The following MPPED2 variants were observed in gnomAD, a reference collection of about 807,000 sequenced individuals.
The protein encoded by MPPED2 is metallophosphoesterase MPPED2.
A neutral mutation model predicts 33.0 loss-of-function variants in MPPED2; 5 were observed. That is an observed-to-expected ratio of 0.15 (90% CI 0.08 to 0.32). The LOEUF (loss-of-function observed/expected upper bound fraction) is 0.32, where lower values mean the gene tolerates loss of function less well. Among genes scored for constraint, MPPED2 ranks in the 10% least tolerant of loss-of-function variants. The pLI is 1.00. For synonymous variants in MPPED2, 136 were observed against 141.9 expected (o/e 0.96, Z 0.29); for missense variants, 275 against 372.1 (o/e 0.74, Z 2.15).
At chr11:30,505,625 C>T (rs888595168) in intron 3 of MPPED2, among the ~76,000 whole-genome samples, 1 of 152,218 alleles carries the variant, frequency 6.6e-6, no homozygotes, top group African/African-American at 2.4e-5. Context: ...AACAATCAGA[C>T]TAGCTTCTAA....
chr11:30,483,251 A>G (rs935784012), intron 4 of MPPED2, among the ~76,000 whole-genome samples: 3 of 152,228 alleles, frequency 2.0e-5, no homozygotes, highest in Non-Finnish European at 2.9e-5. Flanking sequence ...AAATGGCTGA[A>G]TGTGGATAAG....
intron 4 of MPPED2, among the ~76,000 whole-genome samples, chr11:30,450,249 C>A (rs1165982874): frequency 6.6e-6 from 1 of 152,186 alleles, no homozygotes; most frequent in African/African-American, 2.4e-5. Flanking sequence ...CCTGAAGATG[C>A]AGTGGTTAAT....
chr11:30,411,591 G>T lies in MPPED2; in HGVS notation c.767-5C>A. The stretch of plus-strand genomic sequence containing the variant: ...CGTCGGTCATGATGCCATAACCTGT[G>T]GGGAGAGCGTGTCACATTTACTGTA... On this transcript the variant is annotated splice_region_variant and splice_polypyrimidine_tract_variant and intron_variant, in intron 6 of 6. Transcript: ENST00000358117. The T allele has an allele frequency of 6.2e-7, 1 of 1,609,574 alleles. No homozygotes were observed. The highest frequency in any genetic ancestry group is 8.5e-7 in the Non-Finnish European group (1 of 1,176,840).
intron 4 of MPPED2, among the ~76,000 whole-genome samples, chr11:30,480,395 C>A (rs1951427541): frequency 6.6e-6 from 1 of 151,934 alleles, no homozygotes; most frequent in Non-Finnish European, 1.5e-5. Flanking sequence ...CTTCCAATTT[C>A]ATGTTAAAAT....
chr11:30,465,565 G>A (rs1282037249), intron 4 of MPPED2, among the ~76,000 whole-genome samples: 1 of 152,172 alleles, frequency 6.6e-6, no homozygotes, highest in Non-Finnish European at 1.5e-5. Flanking sequence ...CAAAGTGCTG[G>A]GACTACAGGT....
rs986753391 is a variant in MPPED2, at chr11:30,426,393, T to C, written c.537-8760A>G. 2.6e-5 allele frequency among the ~76,000 whole-genome samples: 4 copies of C among 152,242 alleles called. 1 individual carries two copies. Among genetic ancestry groups the C allele is most frequent in the African/African-American group, 9.6e-5 (4 of 41,456 alleles). ...ATTGTGTGGGTATGCAGAATTCATT[T>C]TTTTTATCTAAGAAGGTTTCTGAAT... is the stretch of plus-strand genomic sequence containing the variant. On this transcript the variant is annotated intron_variant, in intron 4 of 6. Coordinates refer to ENST00000358117, the MANE Select transcript of MPPED2 (RefSeq NM_001584.3).
intron 4 of MPPED2, 29 bp downstream of exon 4, chr11:30,495,267 T>C (rs114570385): frequency 3.4e-6 from 5 of 1,492,200 alleles, no homozygotes; most frequent in African/African-American, 2.8e-5. Flanking sequence ...TAAAAAGCAA[T>C]GTGGAAAACT....
At chr11:30,507,836 C>T (rs1011833256) in intron 3 of MPPED2, among the ~76,000 whole-genome samples, 1 of 152,184 alleles carries the variant, frequency 6.6e-6, no homozygotes, top group African/African-American at 2.4e-5. Flanking sequence ...TCCCACAAGC[C>T]TCCCGCTGGT....
intron 4 of MPPED2, among the ~76,000 whole-genome samples, chr11:30,475,849 G>A (rs1353661918): frequency 6.6e-6 from 1 of 151,982 alleles, no homozygotes; most frequent in African/African-American, 2.4e-5. Context: ...CAAAGAGGGT[G>A]TTCCATTTTA....
At position 30,468,256 on chromosome 11, in the gene MPPED2, A is replaced by ACTCTCT. The variant is rs3837402; in HGVS notation, c.536+27034_536+27039dup. Among the ~76,000 whole-genome samples the ACTCTCT allele has an allele frequency of 1.1e-4, 16 of 142,936 alleles. No individual in the cohort carries two copies. In the East Asian group the frequency reaches 1.2e-3, roughly 11 times the overall value. 93.8% of individuals were successfully genotyped at this position (142,936 alleles called of 152,430 possible). A position where few individuals can be genotyped will look rare whatever the true frequency, so the allele number is the denominator to read the frequency against. ...CACACACACACACACACACACACAC[A>ACTCTCT]CTCTCTCTCTCTCTCTCTCTCTCTT... On this transcript the variant is annotated intron_variant, in intron 4 of 6. Transcript: ENST00000358117.
chr11:30,464,332 A>T (rs927394023), intron 4 of MPPED2, among the ~76,000 whole-genome samples: 5 of 151,772 alleles, frequency 3.3e-5, no homozygotes, highest in African/African-American at 9.7e-5. Context: ...TTTCAATTTT[A>T]AAAAATTTAA....
intron 4 of MPPED2, among the ~76,000 whole-genome samples, chr11:30,445,658 T>C (rs925157775): frequency 2.6e-5 from 4 of 152,192 alleles, no homozygotes; most frequent in African/African-American, 7.2e-5. Context: ...TTTCCATCTT[T>C]ATGAATTTGA....
chr11:30,424,028 C>T (rs1480104125), intron 4 of MPPED2, among the ~76,000 whole-genome samples: 1 of 152,146 alleles, frequency 6.6e-6, no homozygotes, highest in African/African-American at 2.4e-5. Context: ...TTTCAGAAAG[C>T]CATTCGCTCA....
At chr11:30,396,002 G>A (rs986895151) in intron 6 of MPPED2, among the ~76,000 whole-genome samples, 5 of 152,012 alleles carry the variant, frequency 3.3e-5, no homozygotes, top group Non-Finnish European at 5.9e-5. Flanking sequence ...ATTCCCTAAC[G>A]GGCTTGAGGA....
At chr11:30,571,495 A>T (rs1401582631) in intron 2 of MPPED2, among the ~76,000 whole-genome samples, 2 of 151,394 alleles carry the variant, frequency 1.3e-5, no homozygotes, top group African/African-American at 4.9e-5. Flanking sequence ...ACAAAAAAAG[A>T]AAAAAAAAGA....
At chr11:30,417,411 CTT>C (rs11354702) in intron 5 of MPPED2, 105 bp downstream of exon 5, 42,248 of 429,976 alleles carry the variant, frequency 0.098, 402 homozygotes, top group Admixed American at 0.15. Context: ...CTCGTATTCA[CTT>C]TTTTTTTTTT....
chr11:30,554,826 C>T (rs747571486), intron 2 of MPPED2, among the ~76,000 whole-genome samples: 34 of 152,078 alleles, frequency 2.2e-4, no homozygotes, highest in Non-Finnish European at 4.0e-4. Context: ...TAGAAGATCC[C>T]CACGTGTGTC....
chr11:30,408,978 G>A (rs900248481), downstream of MPPED2, among the ~76,000 whole-genome samples: 2 of 152,192 alleles, frequency 1.3e-5, no homozygotes, highest in African/African-American at 4.8e-5. Flanking sequence ...ATATGAAATG[G>A]TGGACTGGCT....
At chr11:30,390,464 A>G (rs181648926) in intron 6 of MPPED2, among the ~76,000 whole-genome samples, 1 of 152,348 alleles carries the variant, frequency 6.6e-6, no homozygotes, top group African/African-American at 2.4e-5. Context: ...AAAGTATAAA[A>G]AAGCCCTGAA....
Sources: allele counts gnomAD v4.1 joint callset (sites outside exome capture counted in the v4.1 genomes callset), GRCh38; gene constraint gnomAD v4.1.1; transcripts MANE v1.5; gene names NCBI Gene and HGNC (gene_info 2026-07-23, HGNC 2026-07-21).